The following COX16 variants were observed in gnomAD, a reference collection of about 807,000 sequenced individuals.
COX16 encodes the protein cytochrome c oxidase assembly factor COX16, also known as cytochrome c oxidase assembly protein COX16 homolog, mitochondrial.
COX16 carries 12 observed loss-of-function variants against 15.4 expected under a neutral mutation model. The observed-to-expected ratio is 0.78, with a 90% confidence interval of 0.50 to 1.26. COX16 has a LOEUF of 1.26. COX16 is among the 50% of genes most tolerant of loss of function. The pLI is 0.00. For synonymous variants in COX16, 46 were observed against 41.1 expected (o/e 1.12, Z -0.46); for missense variants, 124 against 127.6 (o/e 0.97, Z 0.14).
intron 2 of COX16, among the ~76,000 whole-genome samples, chr14:70,331,310 G>C (rs371608118): frequency 4.6e-5 from 7 of 151,948 alleles, no homozygotes; most frequent in African/African-American, 1.7e-4. Flanking sequence ...CCAACCAAGT[G>C]TATTAAACTT....
intron 2 of COX16, among the ~76,000 whole-genome samples, chr14:70,335,170 T>A (rs1238180595): frequency 1.3e-5 from 2 of 152,140 alleles, no homozygotes; most frequent in East Asian, 3.8e-4. Flanking sequence ...TAAATATATA[T>A]GCACCCAACA....
intron 2 of COX16, among the ~76,000 whole-genome samples, chr14:70,336,641 T>G (rs540690062): frequency 6.6e-6 from 1 of 152,200 alleles, no homozygotes; most frequent in Non-Finnish European, 1.5e-5. Flanking sequence ...AATGACCTAC[T>G]GTTGGTGGGC....
At chr14:70,327,255 C>T (rs369794164) in intron 3 of COX16, among the ~76,000 whole-genome samples, 1 of 152,306 alleles carries the variant, frequency 6.6e-6, no homozygotes, top group South Asian at 2.1e-4. Context: ...TACTCTCTTA[C>T]TAACTAGCTA....
intron 2 of COX16, among the ~76,000 whole-genome samples, chr14:70,331,715 T>A (rs992529510): frequency 6.9e-6 from 1 of 145,102 alleles, no homozygotes. Context: ...AAAAACAGTT[T>A]GGAATTATCA....
intron 2 of COX16, among the ~76,000 whole-genome samples, chr14:70,330,987 AAAAG>A (rs199609168): frequency 0.017 from 2,563 of 152,326 alleles, 74 homozygotes; most frequent in African/African-American, 0.057. Context: ...ATCATAAAGT[AAAAG>A]AAGAATAAAA....
rs563274658 is a variant in COX16, at chr14:70,328,804, CTT to C, written c.204+368_204+369del. The stretch of plus-strand genomic sequence containing the variant: ...CTCATGTAATCTGTGACTTTATATA[CTT>C]TTTTCATTCTTAACTTTTGAATTTG... On this transcript the variant is annotated intron_variant, in intron 3 of 3. Transcript: ENST00000389912. Among the ~76,000 whole-genome samples the C allele has an allele frequency of 5.9e-5, 9 of 151,864 alleles. No individual in the cohort carries two copies. In the South Asian group the frequency reaches 1.7e-3, roughly 28 times the overall value.
intron 2 of COX16, among the ~76,000 whole-genome samples, chr14:70,339,239 G>C (rs1886551314): frequency 6.6e-6 from 1 of 152,112 alleles, no homozygotes; most frequent in African/African-American, 2.4e-5. Flanking sequence ...TTGGTGGTTA[G>C]AATCAGCACT....
intron 1 of COX16, among the ~76,000 whole-genome samples, chr14:70,345,055 G>A (rs1038315286): frequency 2.0e-5 from 3 of 152,098 alleles, no homozygotes; most frequent in Admixed American, 6.5e-5. Flanking sequence ...GCTGAAACCC[G>A]GGAGAGGTTC....
intron 1 of COX16, among the ~76,000 whole-genome samples, chr14:70,354,152 AAAC>A (rs1258135676): frequency 3.9e-5 from 6 of 152,184 alleles, no homozygotes; most frequent in African/African-American, 1.4e-4. Flanking sequence ...TCTCTTAAAA[AAAC>A]AACAATAATA....
intron 1 of COX16, among the ~76,000 whole-genome samples, chr14:70,352,601 ACTC>A (rs1212583209): frequency 1.6e-5 from 2 of 125,024 alleles, no homozygotes; most frequent in East Asian, 4.0e-4. Context: ...TATGTGCACT[ACTC>A]ACTCATACAT....
At chr14:70,348,278 G>A (rs763906754) in intron 1 of COX16, among the ~76,000 whole-genome samples, 37 of 152,154 alleles carry the variant, frequency 2.4e-4, no homozygotes, top group Non-Finnish European at 5.0e-4. Context: ...TCACCACAGT[G>A]TACTAAGTCT....
Position 70,325,180 on chromosome 14 carries a change from T to C in COX16, c.*1153A>G, listed in dbSNP as rs552492712. 4.6e-5 allele frequency: 7 copies of C among 152,260 alleles called. No homozygotes were observed. The highest frequency in any genetic ancestry group is 2.6e-4 in the Admixed American group (4 of 15,288). 9.4% of individuals were successfully genotyped at this position (152,260 alleles called of 1,614,324 possible). A position where few individuals can be genotyped will look rare whatever the true frequency, so the allele number is the denominator to read the frequency against. The stretch of plus-strand genomic sequence containing the variant: ...AGTGGATTTATGATTTTATGGCAAT[T>C]ATAACAGGAGTGTTTCAATGGAGAC... On this transcript the variant is annotated 3_prime_UTR_variant, in exon 4 of 4. Coordinates refer to ENST00000389912, the MANE Select transcript of COX16 (RefSeq NM_016468.7).
At chr14:70,346,408 C>T (rs375719469) in intron 1 of COX16, among the ~76,000 whole-genome samples, 7 of 152,334 alleles carry the variant, frequency 4.6e-5, no homozygotes, top group South Asian at 2.1e-4. Flanking sequence ...TTTTCAAGTG[C>T]GGCAATGAAG....
rs1234150101 is a variant in COX16, at chr14:70,325,865, CTG to C, written c.*466_*467del. 6.6e-6 allele frequency: 1 copy of C among 152,280 alleles called. No individual in the cohort carries two copies. 9.4% of individuals were successfully genotyped at this position (152,280 alleles called of 1,614,324 possible). On this transcript the variant is annotated 3_prime_UTR_variant, in exon 4 of 4. Coordinates refer to ENST00000389912, the MANE Select transcript of COX16 (RefSeq NM_016468.7). ...AAAGAAAATCAAGACTCTTAGCAGA[CTG>C]TGATCATTTTTCTTTCCCTAATAGA...
intron 2 of COX16, among the ~76,000 whole-genome samples, chr14:70,331,327 A>T (rs1886282185): frequency 6.6e-6 from 1 of 151,774 alleles, no homozygotes. Flanking sequence ...ACTTAAGAAA[A>T]TTTGTTTATC....
intron 3 of COX16, among the ~76,000 whole-genome samples, chr14:70,327,154 G>A (rs8008160): frequency 0.029 from 4,412 of 151,764 alleles, 211 homozygotes; most frequent in African/African-American, 0.099. Context: ...TGAGTAAGAT[G>A]GAAAAAAAAA....
At chr14:70,349,480 G>A (rs1886880489) in intron 1 of COX16, among the ~76,000 whole-genome samples, 1 of 152,046 alleles carries the variant, frequency 6.6e-6, no homozygotes, top group African/African-American at 2.4e-5. Flanking sequence ...GTCCGATACA[G>A]GCCCACCTTA....
At chr14:70,344,363 C>T (rs997615736) in intron 1 of COX16, among the ~76,000 whole-genome samples, 1 of 152,234 alleles carries the variant, frequency 6.6e-6, no homozygotes, top group Non-Finnish European at 1.5e-5. Flanking sequence ...AAACCATGAA[C>T]TGAATTCCTT....
In COX16 at chr14:70,326,298, T is replaced by TAAAA; in HGVS notation, c.*31_*34dup. 1 of 1,106,730 alleles carries TAAAA rather than the reference T, an allele frequency of 9.0e-7. No individual in the cohort carries two copies. 68.6% of individuals were successfully genotyped at this position (1,106,730 alleles called of 1,614,324 possible). Reference sequence around the variant, plus strand: ...AAGTCCAGTTAATAATATTTTTATTTAAAAAAAAAAAAAAGGAAAAAAGAA... The same window carrying TAAAA: ...AAGTCCAGTTAATAATATTTTTATTTAAAAAAAAAAAAAAAAAAGGAAAAAAGAA... On this transcript the variant is annotated 3_prime_UTR_variant, in exon 4 of 4. Transcript: ENST00000389912.
Sources: allele counts gnomAD v4.1 joint callset (sites outside exome capture counted in the v4.1 genomes callset), GRCh38; gene constraint gnomAD v4.1.1; transcripts MANE v1.5; gene names NCBI Gene and HGNC (gene_info 2026-07-23, HGNC 2026-07-21).